The following TSPAN18 variants were observed in gnomAD, a reference collection of about 807,000 sequenced individuals.
TSPAN18 encodes tetraspanin-18.
TSPAN18 carries 14 observed loss-of-function variants against 27.3 expected under a neutral mutation model. The observed-to-expected ratio is 0.51, with a 90% CI of 0.34 to 0.80. The LOEUF is 0.80. TSPAN18 is among the 30% of genes least tolerant of loss of function. The pLI, the probability that TSPAN18 is intolerant of heterozygous loss-of-function variation, is 0.01. For synonymous variants in TSPAN18, 143 were observed against 136.5 expected (o/e 1.05, Z -0.33); for missense variants, 268 against 323.9 (o/e 0.83, Z 1.32).
rs143348839 is a variant in TSPAN18 at position 44,785,192 on chromosome 11, A to C, written c.-153+20680A>C. 5.8e-3 allele frequency among the ~76,000 whole-genome samples: 885 copies of C among 152,286 alleles called. 5 individuals are homozygous for C. Among genetic ancestry groups the C allele is most frequent in the African/African-American group, 0.021 (855 of 41,548 alleles). Reference sequence around the variant, plus strand: ...ATAAATGCAGGGGATGGATTATAACAATACACTGAATACATGAGTACCCAC... The same window carrying C: ...ATAAATGCAGGGGATGGATTATAACCATACACTGAATACATGAGTACCCAC... On this transcript the variant is annotated intron_variant, in intron 2 of 9. Transcript: ENST00000520358.
intron 3 of TSPAN18, chr11:44,885,773 G>C (rs1040261271): frequency 2.6e-5 from 4 of 152,158 alleles, no homozygotes; most frequent in Non-Finnish European, 5.9e-5. Flanking sequence ...CGGTCTCTCT[G>C]TCTTCCGGTT....
At chr11:44,753,422 G>A (rs1013290890) in intron 1 of TSPAN18, among the ~76,000 whole-genome samples, 34 of 152,030 alleles carry the variant, frequency 2.2e-4, no homozygotes, top group African/African-American at 7.7e-4. Context: ...TTGAGCCACC[G>A]CACTCAGCCA....
intron 1 of TSPAN18, among the ~76,000 whole-genome samples, chr11:44,744,687 T>C (rs963706800): frequency 4.6e-5 from 7 of 152,138 alleles, no homozygotes; most frequent in Non-Finnish European, 8.8e-5. Flanking sequence ...GTGTGGGAAA[T>C]AGAATCAAAT....
intron 8 of TSPAN18, among the ~76,000 whole-genome samples, chr11:44,924,996 C>T (rs116822726): frequency 0.01 from 1,538 of 152,342 alleles, 35 homozygotes; most frequent in African/African-American, 0.035. Flanking sequence ...CAGCCCTGAA[C>T]GGACCCCCAG....
At chr11:44,752,010 G>T (rs1179626165) in intron 1 of TSPAN18, among the ~76,000 whole-genome samples, 1 of 151,830 alleles carries the variant, frequency 6.6e-6, no homozygotes, top group African/African-American at 2.4e-5. Context: ...TTTTCCCTGT[G>T]TGTTGTGTAT....
intron 9 of TSPAN18, among the ~76,000 whole-genome samples, chr11:44,927,595 G>A (rs886856178): frequency 3.3e-5 from 5 of 152,180 alleles, no homozygotes; most frequent in African/African-American, 1.2e-4. Flanking sequence ...GGAGAGGGAG[G>A]GGTCATTGAT....
chr11:44,895,224 C>T (rs143477020), intron 3 of TSPAN18, among the ~76,000 whole-genome samples: 1 of 152,314 alleles, frequency 6.6e-6, no homozygotes, highest in African/African-American at 2.4e-5. Context: ...AGCCATGTGT[C>T]CATGGTTCTC....
intron 8 of TSPAN18, among the ~76,000 whole-genome samples, chr11:44,921,379 C>A (rs1181156643): frequency 6.6e-6 from 1 of 152,152 alleles, no homozygotes; most frequent in African/African-American, 2.4e-5. Flanking sequence ...GGCTGCCCCC[C>A]ACGATCCATT....
intron 3 of TSPAN18, among the ~76,000 whole-genome samples, chr11:44,881,217 GA>G (rs1479688132): frequency 1.3e-5 from 2 of 152,200 alleles, no homozygotes; most frequent in Non-Finnish European, 2.9e-5. Context: ...GGCACTCGCA[GA>G]TCTGTAGAAG....
chr11:44,809,491 G>A (rs138647429), intron 2 of TSPAN18, among the ~76,000 whole-genome samples: 73 of 152,342 alleles, frequency 4.8e-4, no homozygotes, highest in African/African-American at 1.7e-3. Context: ...GGAGCCATTT[G>A]AGAAGCAGAG....
At chr11:44,896,960 G>A (rs1019585712) in intron 3 of TSPAN18, among the ~76,000 whole-genome samples, 2 of 152,116 alleles carry the variant, frequency 1.3e-5, no homozygotes, top group Non-Finnish European at 2.9e-5. Flanking sequence ...AAATGGGGAG[G>A]AATCTTTCAC....
chr11:44,903,489 C>T (rs1196987272), intron 3 of TSPAN18: 3 of 456,490 alleles, frequency 6.6e-6, no homozygotes, highest in Non-Finnish European at 1.3e-5. Context: ...TGGGTTCCAG[C>T]AAGAGAGGGC....
At chr11:44,879,296 C>T (rs1858425059) in intron 3 of TSPAN18, among the ~76,000 whole-genome samples, 1 of 151,970 alleles carries the variant, frequency 6.6e-6, no homozygotes, top group East Asian at 1.9e-4. Context: ...CCTAAACATC[C>T]ATTGAGCACT....
chr11:44,898,678 G>A (rs933010854), intron 3 of TSPAN18, among the ~76,000 whole-genome samples: 3 of 152,202 alleles, frequency 2.0e-5, no homozygotes, highest in Non-Finnish European at 4.4e-5. Flanking sequence ...ATGGCGAGGG[G>A]GCTGAGAATG....
chr11:44,875,814 T>C (rs1249864874), intron 3 of TSPAN18, among the ~76,000 whole-genome samples: 1 of 152,236 alleles, frequency 6.6e-6, no homozygotes, highest in Non-Finnish European at 1.5e-5. Context: ...AGGATTTATA[T>C]AAAACGCCTC....
chr11:44,820,431 C>T (rs922090420), intron 2 of TSPAN18, among the ~76,000 whole-genome samples: 9 of 152,156 alleles, frequency 5.9e-5, no homozygotes, highest in African/African-American at 2.2e-4. Context: ...GGTGCACTGT[C>T]CACTTCTCAG....
intron 4 of TSPAN18, among the ~76,000 whole-genome samples, chr11:44,908,769 G>GAGAAAGAAAGAAAGAAAGAAAGGAA (rs1859564812): frequency 1.4e-5 from 1 of 71,620 alleles, no homozygotes; most frequent in African/African-American, 6.7e-5. Flanking sequence ...AGAGAGAAAG[G>GAGAAAGAAAGAAAGAAAGAAAGGAA]AGAAAGAAAG....
At chr11:44,755,845 C>T (rs879723679) in intron 1 of TSPAN18, among the ~76,000 whole-genome samples, 2 of 151,920 alleles carry the variant, frequency 1.3e-5, no homozygotes, top group Non-Finnish European at 2.9e-5. Context: ...CTTATGGCCT[C>T]GGGACTCAGA....
chr11:44,921,373 G>A (rs1445040954), intron 8 of TSPAN18, among the ~76,000 whole-genome samples: 1 of 152,098 alleles, frequency 6.6e-6, no homozygotes, highest in African/African-American at 2.4e-5. Flanking sequence ...GCTGCTGGCT[G>A]CCCCCCACGA....
Sources: gnomAD v4.1 joint callset for allele counts (sites outside exome capture counted in the v4.1 genomes callset) on GRCh38, gnomAD v4.1.1 for gene constraint, MANE v1.5 for transcripts, NCBI Gene and HGNC (gene_info 2026-07-23, HGNC 2026-07-21) for gene names.